The following ACSM5 variants were observed in gnomAD, a reference collection of about 807,000 sequenced individuals.
ACSM5 encodes acyl-coenzyme A synthetase ACSM5, mitochondrial.
A neutral mutation model predicts 71.6 loss-of-function variants in ACSM5; 56 were observed. The observed-to-expected ratio is 0.78, with a 90% CI of 0.63 to 0.98. ACSM5 has a LOEUF of 0.98. Among genes scored for constraint, ACSM5 ranks in the 50% least tolerant of loss-of-function variants. The probability of loss-of-function intolerance (pLI) is 0.00; values close to 1 mark genes in which losing one functional copy is unlikely to be tolerated. For missense variants in ACSM5, 723 were observed against 726.0 expected (o/e 1.00, Z 0.05); for synonymous variants, 285 against 281.5 (o/e 1.01, Z -0.12).
At chr16:20,434,859 G>C (rs1967163432) in intron 10 of ACSM5, among the ~76,000 whole-genome samples, 1 of 152,080 alleles carries the variant, frequency 6.6e-6, no homozygotes. Context: ...CTCTAACCTT[G>C]TTATTCAACT....
chr16:20,427,491 T>C (rs372911715), intron 6 of ACSM5, among the ~76,000 whole-genome samples: 59 of 152,280 alleles, frequency 3.9e-4, no homozygotes, highest in South Asian at 1.0e-3. Context: ...AGAGAAAGAA[T>C]ATCCAAGACA....
At chr16:20,427,048 A>T (rs535025737) in intron 6 of ACSM5, among the ~76,000 whole-genome samples, 122 of 151,666 alleles carry the variant, frequency 8.0e-4, no homozygotes, top group Middle Eastern at 3.4e-3. Context: ...CATACCTGTA[A>T]TCCCAGCACT....
intron 6 of ACSM5, 56 bp downstream of exon 6, chr16:20,424,125 GGATATA>G: frequency 6.3e-7 from 1 of 1,588,578 alleles, no homozygotes; most frequent in African/African-American, 1.3e-5. Context: ...GAGATGAGTG[GGATATA>G]GATTTCAGAC....
chr16:20,424,334 T>A lies in ACSM5; in HGVS notation c.921+265T>A, dbSNP rs527728064. ...CCCTTGTTTCCACCACTTTCTTCCCTATGCTCCTGCCAAAACCCTAGGTAT... is the reference window on the plus strand; with the variant it reads ...CCCTTGTTTCCACCACTTTCTTCCCAATGCTCCTGCCAAAACCCTAGGTAT... On this transcript the variant is annotated intron_variant, in intron 6 of 13. Coordinates refer to ENST00000331849, the MANE Select transcript of ACSM5 (RefSeq NM_017888.3). Among the ~76,000 whole-genome samples, 18 of 152,284 alleles carry A rather than the reference T, an allele frequency of 1.2e-4. No individual in the cohort carries two copies. In the South Asian group the frequency reaches 3.3e-3, roughly 28 times the overall value.
chr16:20,432,450 G>T lies in ACSM5; in HGVS notation c.1308+1129G>T, dbSNP rs1967117212. Among the ~76,000 whole-genome samples the T allele has an allele frequency of 1.3e-5, 2 of 152,118 alleles. 1 individual carries two copies. The highest frequency in any genetic ancestry group is 1.3e-4 in the Admixed American group (2 of 15,266). On this transcript the variant is annotated intron_variant, in intron 10 of 13. Transcript: ENST00000331849. The stretch of plus-strand genomic sequence containing the variant: ...TAGTGGTTTTTCTGTCACTACAAGA[G>T]AAATAATCTTCTACTTTATTTTGTT...
chr16:20,424,121 A>G (rs766884095), intron 6 of ACSM5, 52 bp downstream of exon 6: 13 of 1,593,620 alleles, frequency 8.2e-6, no homozygotes, highest in Non-Finnish European at 1.1e-5. Flanking sequence ...AAATGAGATG[A>G]GTGGGATATA....
chr16:20,410,834 C>G (rs1171686735), intron 1 of ACSM5, among the ~76,000 whole-genome samples: 1 of 152,048 alleles, frequency 6.6e-6, no homozygotes, highest in Non-Finnish European at 1.5e-5. Flanking sequence ...CTTTTGAGCA[C>G]TTGAAGTGTG....
intron 6 of ACSM5, among the ~76,000 whole-genome samples, chr16:20,425,821 C>T (rs552170639): frequency 5.9e-5 from 9 of 151,958 alleles, no homozygotes; most frequent in Admixed American, 3.9e-4. Flanking sequence ...ACTTTCTTTG[C>T]CCACCTGTTG....
At position 20,424,725 on chromosome 16, in the gene ACSM5, T is replaced by C. The variant is rs563051489; in HGVS notation, c.921+656T>C. 3.9e-5 allele frequency among the ~76,000 whole-genome samples: 6 copies of C among 152,356 alleles called. 1 individual carries two copies. In the South Asian group the frequency reaches 6.2e-4, roughly 16 times the overall value. ...AGCTGTGTGGCCTTGGGGAAGCTGC[T>C]TAATCTCCTGAGCTGCAGTTTCAGC... On this transcript the variant is annotated intron_variant, in intron 6 of 13. Coordinates refer to ENST00000331849, the MANE Select transcript of ACSM5 (RefSeq NM_017888.3).
intron 10 of ACSM5, among the ~76,000 whole-genome samples, chr16:20,433,593 G>C (rs1967141894): frequency 6.6e-6 from 1 of 151,884 alleles, no homozygotes; most frequent in South Asian, 2.1e-4. Context: ...AAAAAGAAGA[G>C]AGAAAAAATT....
chr16:20,418,190 G>A lies in ACSM5; in HGVS notation c.336G>A (p.Leu112=). The A allele has an allele frequency of 6.2e-7, 1 of 1,613,050 alleles. No individual in the cohort carries two copies. Among genetic ancestry groups the A allele is most frequent in the Non-Finnish European group, 8.5e-7 (1 of 1,179,854 alleles). Residue 112 remains leucine, a synonymous_variant, in exon 3 of 14, where the codon CTG becomes CTA. Coordinates refer to ENST00000331849, the MANE Select transcript of ACSM5 (RefSeq NM_017888.3). Reference sequence around the variant, plus strand: ...ATGTGCTGGGGGGTGCATGCGGCCTGCAGCCTGGGGACAGAATGATGCTGG... The same window carrying A: ...ATGTGCTGGGGGGTGCATGCGGCCTACAGCCTGGGGACAGAATGATGCTGG... ...AANVLGGACG[L]QPGDRMMLVL...
At chr16:20,429,080 A>G (rs12927296) in intron 7 of ACSM5, among the ~76,000 whole-genome samples, 2 of 152,054 alleles carry the variant, frequency 1.3e-5, no homozygotes, top group African/African-American at 2.4e-5. Flanking sequence ...GCATGATCTC[A>G]GCTCACTGCA....
chr16:20,427,865 C>T lies in ACSM5; in HGVS notation c.999C>T (p.Thr333=), dbSNP rs753473263. ...IFRLLVQEDL[T]RYQFQSLRHC... is the part of the protein sequence containing the mutation. ...GGCTGCTTGTGCAGGAGGATCTGAC[C>T]AGGTACAGCCCGTCTATTTCGTGCT... Residue 333 remains threonine (T), a splice_region_variant and synonymous_variant, in exon 7 of 14, where the codon ACC becomes ACT. Coordinates refer to ENST00000331849, the MANE Select transcript of ACSM5 (RefSeq NM_017888.3). The T allele has an allele frequency of 6.2e-7, 1 of 1,612,130 alleles. No homozygotes were observed.
chr16:20,423,135 T>C (rs188966475), intron 5 of ACSM5, among the ~76,000 whole-genome samples: 139 of 152,212 alleles, frequency 9.1e-4, no homozygotes, highest in Admixed American at 3.7e-3. Context: ...CAGCAAAGTG[T>C]AATATAAACT....
At position 20,440,619 on chromosome 16, in the gene ACSM5, A is replaced by T. The variant is rs1281717307; in HGVS notation, c.*192A>T. 1.8e-6 allele frequency: 1 copy of T among 558,918 alleles called. No individual in the cohort carries two copies. The highest frequency in any genetic ancestry group is 3.1e-5 in the Admixed American group (1 of 32,594). The allele number at this position is 558,918 out of a possible 1,614,324, so 34.6% of individuals were successfully genotyped here. On this transcript the variant is annotated 3_prime_UTR_variant, in exon 14 of 14. Transcript: ENST00000331849. The stretch of plus-strand genomic sequence containing the variant: ...AAAGAATATCATTGGCCCTGATCAC[A>T]TAGATGCTGCGCCGCCTAGCAAATG...
At chr16:20,433,884 C>T (rs1296520435) in intron 10 of ACSM5, among the ~76,000 whole-genome samples, 2 of 149,608 alleles carry the variant, frequency 1.3e-5, no homozygotes, top group Admixed American at 1.3e-4. Context: ...ACCATGTTGC[C>T]TAGGCTGGTT....
At position 20,437,828 on chromosome 16, in the gene ACSM5, C is replaced by CTT. The variant is rs113906500; in HGVS notation, c.1536+472_1536+473dup. On this transcript the variant is annotated intron_variant, in intron 12 of 13. Transcript: ENST00000331849. Reference sequence around the variant, plus strand: ...AAGCTGGGCTTTCATAGGAGAAATCCTTTTTTTTTTTTGAGATGGAGTCTT... The same window carrying CTT: ...AAGCTGGGCTTTCATAGGAGAAATCCTTTTTTTTTTTTTTGAGATGGAGTCTT... Among the ~76,000 whole-genome samples the CTT allele has an allele frequency of 5.1e-3, 715 of 141,440 alleles. 7 individuals carry two copies. The highest frequency in any genetic ancestry group is 0.018 in the African/African-American group (680 of 37,996). The allele number at this position is 141,440 out of a possible 152,430, so 92.8% of individuals were successfully genotyped here. A position where few individuals can be genotyped will look rare whatever the true frequency, so the allele number is the denominator to read the frequency against.
chr16:20,437,023 G>A lies in ACSM5; in HGVS notation c.1309-29G>A, dbSNP rs376756379. On this transcript the variant is annotated intron_variant, in intron 10 of 13. Transcript: ENST00000331849. ...TGGCCTTAGCAGTTGTTCCCAGAGG[G>A]TCCTTCACGGGTTGTCTTTGTCTTT... 75 of 1,613,196 alleles carry A rather than the reference G, an allele frequency of 4.6e-5. No individual in the cohort carries two copies. The African/African-American group carries it at 9.3e-4, about 20-fold the overall frequency.
Position 20,418,041 on chromosome 16 carries a change from GCCTGTACCA to G in ACSM5, c.205-15_205-7del. On this transcript the variant is annotated splice_polypyrimidine_tract_variant and intron_variant, in intron 2 of 13. Coordinates refer to ENST00000331849, the MANE Select transcript of ACSM5 (RefSeq NM_017888.3). ...CAATAAATTGCTTCTTTTTTTTTCT[GCCTGTACCA>G]CCATCTAGGCTGGACACCGCCCCCC... The G allele has an allele frequency of 6.3e-7, 1 of 1,590,390 alleles. No homozygotes were observed. Among genetic ancestry groups the G allele is most frequent in the Non-Finnish European group, 8.5e-7 (1 of 1,171,226 alleles).
Sources: gnomAD v4.1 joint callset for allele counts (sites outside exome capture counted in the v4.1 genomes callset) on GRCh38, gnomAD v4.1.1 for gene constraint, MANE v1.5 for transcripts, NCBI Gene and HGNC (gene_info 2026-07-23, HGNC 2026-07-21) for gene names.